SH3RF2: variants seen among roughly 807,000 people sequenced by gnomAD.
The protein encoded by SH3RF2 is E3 ubiquitin-protein ligase SH3RF2.
SH3RF2 carries 43 observed loss-of-function variants against 59.0 expected under a neutral mutation model. The observed-to-expected ratio is 0.73, with a 90% CI of 0.57 to 0.94. The LOEUF (loss-of-function observed/expected upper bound fraction) is 0.94, where lower values mean the gene tolerates loss of function less well. SH3RF2 is among the 40% of genes least tolerant of loss of function. The pLI is 0.00. For synonymous variants in SH3RF2, 391 were observed against 391.5 expected, an observed-to-expected ratio of 1.00 and a Z score of 0.01; for missense variants, 930 against 940.1, an observed-to-expected ratio of 0.99 and a Z score of 0.14.
At chr5:146,010,588 G>A (rs1032080743) in intron 4 of SH3RF2, among the ~76,000 whole-genome samples, 1 of 152,148 alleles carries the variant, frequency 6.6e-6, no homozygotes, top group African/African-American at 2.4e-5. Flanking sequence ...GTGTGAGATG[G>A]TATCTCATTG....
In SH3RF2 at chr5:146,062,521, C is replaced by A. The variant is rs754403158; in HGVS notation, c.2010C>A (p.Thr670=). 5.0e-6 allele frequency: 8 copies of A among 1,614,058 alleles called. No individual in the cohort carries two copies. The highest frequency in any genetic ancestry group is 6.8e-6 in the Non-Finnish European group (8 of 1,180,038). Residue 670 remains threonine (T), a synonymous_variant, in exon 10 of 10, where the codon ACC becomes ACA. Coordinates refer to ENST00000359120, the MANE Select transcript of SH3RF2 (RefSeq NM_152550.4). ...PTSGKPEQPA[T]LKASQPEAAS... Reference sequence around the variant, plus strand: ...CCGGAAAGCCTGAACAGCCAGCCACCCTCAAGGCGTCCCAGCCTGAAGCAG... The same window carrying A: ...CCGGAAAGCCTGAACAGCCAGCCACACTCAAGGCGTCCCAGCCTGAAGCAG...
At chr5:146,000,415 T>A (rs1259966381) in intron 3 of SH3RF2, 88 bp downstream of exon 3, 4 of 1,148,924 alleles carry the variant, frequency 3.5e-6, no homozygotes, top group African/African-American at 1.6e-5. Flanking sequence ...TTGCTGATTT[T>A]AAAAAATTGT....
chr5:146,004,460 T>C (rs558095794), intron 4 of SH3RF2, among the ~76,000 whole-genome samples: 24 of 152,210 alleles, frequency 1.6e-4, no homozygotes, highest in South Asian at 4.1e-4. Context: ...GGGAGTTTAT[T>C]GTAAGAAAAT....
At chr5:145,986,856 G>A (rs1330664522) in intron 2 of SH3RF2, among the ~76,000 whole-genome samples, 3 of 152,142 alleles carry the variant, frequency 2.0e-5, no homozygotes, top group African/African-American at 7.2e-5. Context: ...CTGACTATAA[G>A]CAGCTCTTTC....
intron 2 of SH3RF2, chr5:145,997,501 C>G (rs1055056997): frequency 1.3e-6 from 2 of 1,597,454 alleles, no homozygotes; most frequent in Admixed American, 3.3e-5. Flanking sequence ...GGGAAAGATG[C>G]TTATGTCTAT....
At chr5:146,018,992 C>T (rs995391149) in intron 5 of SH3RF2, among the ~76,000 whole-genome samples, 2 of 151,920 alleles carry the variant, frequency 1.3e-5, no homozygotes, top group East Asian at 3.9e-4. Flanking sequence ...ATTTGAGTTC[C>T]TTGTAGATTC....
intron 5 of SH3RF2, among the ~76,000 whole-genome samples, chr5:146,047,534 C>G (rs557069226): frequency 7.9e-5 from 12 of 152,192 alleles, no homozygotes; most frequent in Admixed American, 2.0e-4. Context: ...TCCACCCTAT[C>G]TGAGCAGGCT....
At chr5:145,956,468 A>G (rs1580768379) in intron 2 of SH3RF2, among the ~76,000 whole-genome samples, 1 of 151,594 alleles carries the variant, frequency 6.6e-6, no homozygotes, top group Admixed American at 6.6e-5. Context: ...TAGAGACAGG[A>G]TTTCACCATG....
At chr5:145,957,844 G>A (rs774552656) in intron 2 of SH3RF2, among the ~76,000 whole-genome samples, 5 of 152,160 alleles carry the variant, frequency 3.3e-5, no homozygotes, top group African/African-American at 9.7e-5. Context: ...CAGGCACAGC[G>A]GCTCACGCCT....
intron 6 of SH3RF2, 59 bp downstream of exon 6, chr5:146,047,922 T>G: frequency 1.3e-6 from 2 of 1,492,050 alleles, no homozygotes; most frequent in Non-Finnish European, 9.3e-7. Flanking sequence ...ATCTTTACCA[T>G]GTACAGTGGT....
chr5:146,019,143 T>C (rs1321012396), intron 5 of SH3RF2, among the ~76,000 whole-genome samples: 1 of 152,150 alleles, frequency 6.6e-6, no homozygotes, highest in African/African-American at 2.4e-5. Context: ...TTTTTGTCTT[T>C]GTTGCATTTG....
intron 2 of SH3RF2, among the ~76,000 whole-genome samples, chr5:145,943,446 T>C (rs938607241): frequency 8.5e-5 from 13 of 152,188 alleles, no homozygotes; most frequent in African/African-American, 3.1e-4. Context: ...TTTATACAAA[T>C]AAATGCCAAG....
At chr5:146,030,132 C>T (rs140394919) in intron 5 of SH3RF2, among the ~76,000 whole-genome samples, 65 of 152,320 alleles carry the variant, frequency 4.3e-4, no homozygotes, top group Admixed American at 9.8e-4. Flanking sequence ...ATCTTTCCTA[C>T]TCTCTGGGCT....
exon 10 of SH3RF2, chr5:146,081,347 C>T (rs950215834): frequency 6.6e-6 from 1 of 152,116 alleles, no homozygotes. Context: ...TGACCCTAAG[C>T]CCCCTCCCTT....
chr5:146,005,338 A>G (rs1760600018), intron 4 of SH3RF2, among the ~76,000 whole-genome samples: 1 of 152,206 alleles, frequency 6.6e-6, no homozygotes. Flanking sequence ...TAACATGCAT[A>G]AAGCATTAAA....
chr5:145,998,256 T>G (rs1327983365), intron 2 of SH3RF2, among the ~76,000 whole-genome samples: 1 of 147,658 alleles, frequency 6.8e-6, no homozygotes, highest in Non-Finnish European at 1.5e-5. Context: ...TAGCTTGAAT[T>G]TAATGAGCTT....
intron 9 of SH3RF2, among the ~76,000 whole-genome samples, chr5:146,073,715 G>T (rs747175662): frequency 2.8e-4 from 42 of 152,258 alleles, no homozygotes; most frequent in Non-Finnish European, 4.4e-4. Context: ...GCCAGGTGTT[G>T]TTCCGTACAG....
intron 5 of SH3RF2, among the ~76,000 whole-genome samples, chr5:146,034,553 GTC>G (rs892332911): frequency 1.3e-5 from 2 of 152,210 alleles, no homozygotes; most frequent in African/African-American, 4.8e-5. Context: ...CACTGAGCCT[GTC>G]TCACTGGGAC....
exon 10 of SH3RF2, chr5:146,080,696 T>A (rs1763410627): frequency 6.6e-6 from 1 of 152,270 alleles, no homozygotes; most frequent in Non-Finnish European, 1.5e-5. Flanking sequence ...TATGGATTAC[T>A]GTAAAATGTC....
Sources: gnomAD v4.1 joint callset for allele counts (sites outside exome capture counted in the v4.1 genomes callset) on GRCh38, gnomAD v4.1.1 for gene constraint, MANE v1.5 for transcripts, NCBI Gene and HGNC (gene_info 2026-07-23, HGNC 2026-07-21) for gene names.